The following PPP2R2B variants were observed in gnomAD, a reference collection of about 807,000 sequenced individuals.
The protein encoded by PPP2R2B is protein phosphatase 2 regulatory subunit Bbeta, also known as serine/threonine-protein phosphatase 2A 55 kDa regulatory subunit B beta isoform.
In PPP2R2B, 5 loss-of-function variants were observed where a neutral mutation model predicts 46.0. That is an observed-to-expected ratio of 0.11 (90% CI 0.06 to 0.23). PPP2R2B has a LOEUF of 0.23. Ranked by LOEUF, PPP2R2B falls within the 10% of genes least tolerant of loss-of-function variation. The pLI is 1.00. For synonymous variants in PPP2R2B, 215 were observed against 206.7 expected (o/e 1.04, Z -0.34); for missense variants, 367 against 575.0 (o/e 0.64, Z 3.70).
intron 2 of PPP2R2B, among the ~76,000 whole-genome samples, chr5:146,846,776 A>C (rs1321532094): frequency 6.6e-6 from 1 of 152,206 alleles, no homozygotes. Context: ...ATCTCTTGGA[A>C]TGATGCTGGT....
chr5:146,750,403 C>T (rs553092297), intron 2 of PPP2R2B, among the ~76,000 whole-genome samples: 6 of 152,236 alleles, frequency 3.9e-5, no homozygotes, highest in African/African-American at 1.4e-4. Flanking sequence ...ACATCTTTGC[C>T]TCGTTGGGTA....
chr5:146,655,339 T>C (rs887217288), intron 5 of PPP2R2B, among the ~76,000 whole-genome samples: 2 of 151,982 alleles, frequency 1.3e-5, no homozygotes, highest in African/African-American at 4.8e-5. Context: ...GGGAAGCTCT[T>C]CCCCCCCAGA....
At chr5:146,819,356 A>C (rs949613300) in intron 2 of PPP2R2B, among the ~76,000 whole-genome samples, 4 of 152,220 alleles carry the variant, frequency 2.6e-5, no homozygotes, top group Admixed American at 1.3e-4. Flanking sequence ...AAGGATGAGC[A>C]CATTCTCAAG....
chr5:146,816,153 T>G (rs1024594589), intron 2 of PPP2R2B, among the ~76,000 whole-genome samples: 2 of 152,122 alleles, frequency 1.3e-5, no homozygotes, highest in African/African-American at 4.8e-5. Flanking sequence ...CCTGTAATCC[T>G]AGCACTTTTG....
intron 5 of PPP2R2B, among the ~76,000 whole-genome samples, chr5:146,651,132 T>G (rs1215132360): frequency 2.0e-5 from 3 of 152,208 alleles, no homozygotes; most frequent in Non-Finnish European, 4.4e-5. Context: ...TCAACTTTAA[T>G]CTAAATTTAT....
intron 1 of PPP2R2B, among the ~76,000 whole-genome samples, chr5:147,036,529 C>T (rs541964817): frequency 6.6e-6 from 1 of 152,056 alleles, no homozygotes; most frequent in African/African-American, 2.4e-5. Context: ...GGGTATATAC[C>T]CAGTAATGGG....
intron 1 of PPP2R2B, among the ~76,000 whole-genome samples, chr5:146,926,325 T>C (rs2151818383): frequency 6.6e-6 from 1 of 152,284 alleles, no homozygotes; most frequent in South Asian, 2.1e-4. Context: ...CTGTTTCCCC[T>C]AGGCTACTAA....
intron 4 of PPP2R2B, among the ~76,000 whole-genome samples, chr5:146,696,890 A>G (rs1779210170): frequency 6.6e-6 from 1 of 152,234 alleles, no homozygotes; most frequent in Non-Finnish European, 1.5e-5. Flanking sequence ...TATGAGACTC[A>G]TTGTAAAACT....
At chr5:146,744,939 A>G (rs1374111223) in intron 2 of PPP2R2B, among the ~76,000 whole-genome samples, 1 of 152,038 alleles carries the variant, frequency 6.6e-6, no homozygotes, top group African/African-American at 2.4e-5. Flanking sequence ...TATCAAACAC[A>G]CCATAGAGAT....
At chr5:147,066,146 G>T (rs1368791453) in intron 2 of PPP2R2B, among the ~76,000 whole-genome samples, 1 of 152,108 alleles carries the variant, frequency 6.6e-6, no homozygotes, top group Admixed American at 6.5e-5. Flanking sequence ...TAGGTTTTCT[G>T]GTGACTAATG....
intron 5 of PPP2R2B, among the ~76,000 whole-genome samples, chr5:146,679,304 T>C (rs1777967006): frequency 4.0e-5 from 1 of 25,170 alleles, no homozygotes; most frequent in African/African-American, 3.9e-4. Context: ...AAGGATTCCC[T>C]ATTTAATAAA....
chr5:146,803,490 A>T (rs950644178), intron 2 of PPP2R2B, among the ~76,000 whole-genome samples: 2 of 152,220 alleles, frequency 1.3e-5, no homozygotes, highest in Non-Finnish European at 1.5e-5. Flanking sequence ...CATTTAATAA[A>T]ATTTATTTAT....
chr5:146,966,732 T>C (rs1212603495), intron 1 of PPP2R2B, among the ~76,000 whole-genome samples: 1 of 152,110 alleles, frequency 6.6e-6, no homozygotes, highest in Non-Finnish European at 1.5e-5. Context: ...AGCACAAAAA[T>C]ATGTGTAGCC....
At chr5:146,717,817 T>A (rs1011655847) in intron 2 of PPP2R2B, among the ~76,000 whole-genome samples, 44 of 152,140 alleles carry the variant, frequency 2.9e-4, no homozygotes, top group African/African-American at 1.0e-3. Context: ...CCCCTTAATT[T>A]GGGGAAACAT....
At chr5:146,593,753 G>A (rs2151004031) in intron 8 of PPP2R2B, among the ~76,000 whole-genome samples, 1 of 152,318 alleles carries the variant, frequency 6.6e-6, no homozygotes, top group South Asian at 2.1e-4. Flanking sequence ...ATCCTGGAGG[G>A]AGTGTGGTGG....
At chr5:146,700,767 A>G (rs958664529) in intron 3 of PPP2R2B, among the ~76,000 whole-genome samples, 7 of 152,242 alleles carry the variant, frequency 4.6e-5, no homozygotes, top group African/African-American at 1.7e-4. Flanking sequence ...ACGCTCAACA[A>G]GCACCCATGG....
chr5:146,804,323 A>T (rs187843907), intron 2 of PPP2R2B, among the ~76,000 whole-genome samples: 1 of 152,238 alleles, frequency 6.6e-6, no homozygotes, highest in South Asian at 2.1e-4. Context: ...GTTTTTAAAG[A>T]TGAGAGGAAT....
At chr5:146,936,023 G>A (rs1764128300) in intron 1 of PPP2R2B, among the ~76,000 whole-genome samples, 1 of 152,162 alleles carries the variant, frequency 6.6e-6, no homozygotes, top group Non-Finnish European at 1.5e-5. Context: ...CAGATTGGAG[G>A]TATTCAGTAC....
At chr5:146,970,633 A>G (rs944280125) in intron 1 of PPP2R2B, among the ~76,000 whole-genome samples, 3 of 152,266 alleles carry the variant, frequency 2.0e-5, no homozygotes, top group East Asian at 1.9e-4. Flanking sequence ...AGGGAAGACC[A>G]GAAGGTTAGA....
Sources: allele counts gnomAD v4.1 joint callset (sites outside exome capture counted in the v4.1 genomes callset), GRCh38; gene constraint gnomAD v4.1.1; transcripts MANE v1.5; gene names NCBI Gene and HGNC (gene_info 2026-07-23, HGNC 2026-07-21).